HLCS: variants seen among roughly 807,000 people sequenced by gnomAD.
The protein encoded by HLCS is holocarboxylase synthetase.
HLCS carries 53 observed loss-of-function variants against 75.0 expected under a neutral mutation model. The ratio of observed to expected loss-of-function variants is 0.71; its 90% CI spans 0.57 to 0.89. HLCS has a LOEUF of 0.89. HLCS is among the 40% of genes least tolerant of loss of function. The pLI, the probability that HLCS is intolerant of heterozygous loss-of-function variation, is 0.00. For synonymous variants in HLCS, 431 were observed against 428.6 expected (o/e 1.01, Z -0.07); for missense variants, 966 against 1,074.0 (o/e 0.90, Z 1.41).
chr21:36,914,966 G>A (rs145722495), intron 5 of HLCS, among the ~76,000 whole-genome samples: 230 of 152,382 alleles, frequency 1.5e-3, no homozygotes, highest in African/African-American at 5.3e-3. Flanking sequence ...GAGCCCTGGG[G>A]GCCCATAGGC....
chr21:36,794,114 C>A (rs532559462), intron 6 of HLCS, among the ~76,000 whole-genome samples: 53 of 152,350 alleles, frequency 3.5e-4, no homozygotes, highest in African/African-American at 1.2e-3. Flanking sequence ...GATCTCTGAG[C>A]TCCTGGGAGC....
At chr21:36,938,314 CTTGT>C (rs957481807) in intron 3 of HLCS, among the ~76,000 whole-genome samples, 39 of 152,268 alleles carry the variant, frequency 2.6e-4, no homozygotes, top group Admixed American at 2.1e-3. Context: ...ATGAAAACTT[CTTGT>C]TTAAGAAATT....
chr21:36,941,961 C>T (rs997076857), intron 2 of HLCS, among the ~76,000 whole-genome samples: 3 of 151,600 alleles, frequency 2.0e-5, no homozygotes, highest in Non-Finnish European at 2.9e-5. Flanking sequence ...GAGCCGAGAT[C>T]GCACCATTGC....
intron 10 of HLCS, among the ~76,000 whole-genome samples, chr21:36,755,323 C>G (rs2089522245): frequency 6.6e-6 from 1 of 151,672 alleles, no homozygotes; most frequent in South Asian, 2.1e-4. Flanking sequence ...ATCATTTGAG[C>G]CCGGGAGTTC....
intron 6 of HLCS, among the ~76,000 whole-genome samples, chr21:36,866,379 A>G (rs1892913): frequency 0.9 from 137,727 of 152,268 alleles, 62,527 homozygotes; most frequent in African/African-American, 0.98. Flanking sequence ...TCTTATAATT[A>G]GGGAAATAGC....
chr21:36,757,738 T>G (rs1485423776), intron 9 of HLCS, among the ~76,000 whole-genome samples: 1 of 152,202 alleles, frequency 6.6e-6, no homozygotes, highest in Non-Finnish European at 1.5e-5. Context: ...ACAAAGCAAT[T>G]GTCAATTACC....
At chr21:36,862,708 C>T (rs2063420887) in intron 6 of HLCS, among the ~76,000 whole-genome samples, 1 of 152,180 alleles carries the variant, frequency 6.6e-6, no homozygotes, top group Non-Finnish European at 1.5e-5. Context: ...CTTTCAGCTC[C>T]TACAGTCGGG....
chr21:36,794,963 A>G (rs945707209), intron 6 of HLCS, among the ~76,000 whole-genome samples: 1 of 152,032 alleles, frequency 6.6e-6, no homozygotes, highest in African/African-American at 2.4e-5. Flanking sequence ...TAAGATGCCT[A>G]TGAGACAGCC....
chr21:36,901,248 T>A (rs1320453062), intron 5 of HLCS, among the ~76,000 whole-genome samples: 2 of 151,922 alleles, frequency 1.3e-5, no homozygotes, highest in Non-Finnish European at 2.9e-5. Flanking sequence ...GTCTCAAAAT[T>A]TTTTTTAAAA....
intron 1 of HLCS, among the ~76,000 whole-genome samples, chr21:36,981,995 A>G (rs1051870701): frequency 2.0e-5 from 3 of 152,170 alleles, no homozygotes; most frequent in African/African-American, 7.2e-5. Flanking sequence ...CCCTACCACA[A>G]AGAAAATTTC....
At chr21:36,924,816 G>A (rs1339829215) in intron 5 of HLCS, among the ~76,000 whole-genome samples, 3 of 152,148 alleles carry the variant, frequency 2.0e-5, no homozygotes, top group Middle Eastern at 3.2e-3. Flanking sequence ...ACAGATGTTT[G>A]CTACATGAAG....
At chr21:36,812,785 G>A (rs1024312463) in intron 6 of HLCS, among the ~76,000 whole-genome samples, 11 of 152,132 alleles carry the variant, frequency 7.2e-5, no homozygotes, top group Non-Finnish European at 1.0e-4. Flanking sequence ...CAGGGCTGGC[G>A]CGGTGGCTCC....
intron 5 of HLCS, among the ~76,000 whole-genome samples, chr21:36,912,071 CA>C (rs71328522): frequency 0.033 from 2,725 of 83,622 alleles, 67 homozygotes; most frequent in African/African-American, 0.097. Flanking sequence ...AACTCCGTCT[CA>C]AAAAAAAAAA....
At chr21:36,851,088 A>G (rs2062987658) in intron 6 of HLCS, among the ~76,000 whole-genome samples, 1 of 152,176 alleles carries the variant, frequency 6.6e-6, no homozygotes, top group Non-Finnish European at 1.5e-5. Flanking sequence ...CCATGGAAAA[A>G]CAAAAAGGTT....
At chr21:36,977,448 CATT>C (rs756469338) in intron 1 of HLCS, among the ~76,000 whole-genome samples, 2 of 152,228 alleles carry the variant, frequency 1.3e-5, no homozygotes, top group African/African-American at 4.8e-5. Flanking sequence ...ATATGTTCAT[CATT>C]GTCTTCCTAA....
At chr21:36,940,478 G>C (rs2067095153) in intron 2 of HLCS, among the ~76,000 whole-genome samples, 2 of 152,086 alleles carry the variant, frequency 1.3e-5, no homozygotes. Context: ...CACTGGGCTT[G>C]AATTCTATTT....
chr21:36,815,028 T>A, intron 6 of HLCS, among the ~76,000 whole-genome samples: 1 of 129,202 alleles, frequency 7.7e-6, no homozygotes, highest in Non-Finnish European at 1.6e-5. Flanking sequence ...GAAGCTTTGC[T>A]TTTTTTTTTT....
intron 6 of HLCS, among the ~76,000 whole-genome samples, chr21:36,780,381 G>A (rs750982187): frequency 7.2e-5 from 11 of 151,980 alleles, no homozygotes; most frequent in Non-Finnish European, 1.2e-4. Flanking sequence ...ACCACGCCTG[G>A]CTTTTTTTTT....
chr21:36,807,076 G>A (rs1288944494), intron 6 of HLCS, among the ~76,000 whole-genome samples: 2 of 152,218 alleles, frequency 1.3e-5, no homozygotes, highest in South Asian at 4.1e-4. Context: ...GGAAAAGCAA[G>A]CAAGACAGAA....
Sources: gnomAD v4.1 joint callset for allele counts (sites outside exome capture counted in the v4.1 genomes callset) on GRCh38, gnomAD v4.1.1 for gene constraint, MANE v1.5 for transcripts, NCBI Gene and HGNC (gene_info 2026-07-23, HGNC 2026-07-21) for gene names.